Variants in RALB observed in about 807,000 individuals in gnomAD.
The protein encoded by RALB is ras-related protein Ral-B.
In RALB, 16 loss-of-function variants were observed where a neutral mutation model predicts 21.3. That is an observed-to-expected ratio of 0.75 (90% confidence interval 0.51 to 1.14). RALB has a LOEUF of 1.14. RALB is among the 50% of genes most tolerant of loss of function. The pLI is 0.00. For missense variants in RALB, 161 were observed against 256.2 expected (o/e 0.63, Z 2.54); for synonymous variants, 93 against 96.1 (o/e 0.97, Z 0.19).
chr2:120,293,695 G>A lies in RALB; in HGVS notation c.*435G>A, dbSNP rs1690362058. On this transcript the variant is annotated 3_prime_UTR_variant, in exon 5 of 5. Transcript: ENST00000272519. ...ATGCCCTCCCACTTTTATCAGTTTA[G>A]TAGTAGTACTGAGAAAAATCCCTTC... is the stretch of plus-strand genomic sequence containing the variant. The A allele has an allele frequency of 6.3e-6, 1 of 159,618 alleles. No homozygotes were observed. Among genetic ancestry groups the A allele is most frequent in the African/African-American group, 2.4e-5 (1 of 41,778 alleles). The allele number at this position is 159,618 out of a possible 1,614,324, so 9.9% of individuals were successfully genotyped here. A position where few individuals can be genotyped will look rare whatever the true frequency, so the allele number is the denominator to read the frequency against.
At chr2:120,280,629 G>A (rs1298085126) in intron 2 of RALB, among the ~76,000 whole-genome samples, 3 of 151,688 alleles carry the variant, frequency 2.0e-5, no homozygotes, top group East Asian at 1.9e-4. Context: ...ATGATGGGTC[G>A]ATAGGTGCAG....
At chr2:120,269,127 T>C (rs146790648) in intron 1 of RALB, among the ~76,000 whole-genome samples, 1 of 152,310 alleles carries the variant, frequency 6.6e-6, no homozygotes, top group East Asian at 1.9e-4. Context: ...GGTTTGTTCC[T>C]TCCGTGGGTT....
rs1363157211 is a variant in RALB at position 120,294,444 on chromosome 2, G to C, written c.*1184G>C. On this transcript the variant is annotated 3_prime_UTR_variant, in exon 5 of 5. Transcript: ENST00000272519. ...CATATCTTTAAACTTTCTTGCATCA[G>C]TATTCTAAATTGAGCAAACTGAAAG... 1 of 395,132 alleles carries C rather than the reference G, an allele frequency of 2.5e-6. No homozygotes were observed. Among genetic ancestry groups the C allele is most frequent in the East Asian group, 3.6e-5 (1 of 27,910 alleles). 24.5% of individuals were successfully genotyped at this position (395,132 alleles called of 1,614,324 possible).
At chr2:120,259,391 G>T (rs995957863) in intron 1 of RALB, among the ~76,000 whole-genome samples, 10 of 152,198 alleles carry the variant, frequency 6.6e-5, no homozygotes, top group African/African-American at 2.4e-4. Flanking sequence ...GTTAGATACA[G>T]AGTTTCCACA....
chr2:120,246,094 G>A (rs1688966598), intron 1 of RALB, among the ~76,000 whole-genome samples: 1 of 152,214 alleles, frequency 6.6e-6, no homozygotes, highest in South Asian at 2.1e-4. Context: ...CTCTCTAGCA[G>A]ATGCGGGGAA....
chr2:120,289,675 T>C lies in RALB; in HGVS notation c.419T>C (p.Val140Ala), dbSNP rs1690261141. The change falls in exon 4 of 5, where the codon GTG becomes GCG. Residue 140 changes from valine (V) to alanine (A), a missense_variant. By Grantham distance (64) the Val-to-Ala change is moderately conservative. Coordinates refer to ENST00000272519, the MANE Select transcript of RALB (RefSeq NM_002881.3). ...CTAGAGGAGCGGAGGCAGGTGCCTGTGGAGGAGGCCAGGAGTAAAGCCGAA... is the reference window on the plus strand; with the variant it reads ...CTAGAGGAGCGGAGGCAGGTGCCTGCGGAGGAGGCCAGGAGTAAAGCCGAA... ...SDLEERRQVP[V>A]EEARSKAEEW... 6.2e-7 allele frequency: 1 copy of C among 1,614,156 alleles called. No homozygotes were observed. Among genetic ancestry groups the C allele is most frequent in the Non-Finnish European group, 8.5e-7 (1 of 1,180,024 alleles).
At chr2:120,257,341 C>T (rs987358734) in intron 1 of RALB, among the ~76,000 whole-genome samples, 1 of 152,142 alleles carries the variant, frequency 6.6e-6, no homozygotes, top group Non-Finnish European at 1.5e-5. Context: ...ACTTTTGAGA[C>T]CCTCATACAT....
chr2:120,261,432 G>T (rs1354883904), intron 1 of RALB, among the ~76,000 whole-genome samples: 1 of 152,096 alleles, frequency 6.6e-6, no homozygotes, highest in East Asian at 1.9e-4. Context: ...AGGGAGTTAG[G>T]GTTTGATGGC....
intron 3 of RALB, among the ~76,000 whole-genome samples, chr2:120,287,349 T>C (rs1690191715): frequency 6.6e-6 from 1 of 152,232 alleles, no homozygotes; most frequent in South Asian, 2.1e-4. Flanking sequence ...AGAGTGCGTG[T>C]GGTGCAGTGA....
chr2:120,289,867 T>C, intron 4 of RALB, 110 bp downstream of exon 4: 1 of 1,008,740 alleles, frequency 9.9e-7, no homozygotes, highest in South Asian at 1.9e-5. Flanking sequence ...AGGTGAAGAT[T>C]CTGATTCCTA....
chr2:120,246,435 G>A (rs13382415), intron 1 of RALB, among the ~76,000 whole-genome samples: 2 of 152,116 alleles, frequency 1.3e-5, no homozygotes, highest in African/African-American at 4.8e-5. Flanking sequence ...CTCTGAGACC[G>A]GGGGTCTCCT....
chr2:120,258,200 A>G (rs1017680929), intron 1 of RALB, among the ~76,000 whole-genome samples: 4 of 152,074 alleles, frequency 2.6e-5, no homozygotes, highest in Non-Finnish European at 4.4e-5. Flanking sequence ...AAATCCCTCA[A>G]CTTGGCCTAC....
intron 3 of RALB, among the ~76,000 whole-genome samples, chr2:120,287,666 C>T (rs1690199082): frequency 6.6e-6 from 1 of 152,344 alleles, no homozygotes; most frequent in East Asian, 1.9e-4. Context: ...CTTGTCCTCT[C>T]CTCAGTCACC....
At chr2:120,268,584 G>T (rs1346190942) in intron 1 of RALB, among the ~76,000 whole-genome samples, 1 of 152,178 alleles carries the variant, frequency 6.6e-6, no homozygotes, top group African/African-American at 2.4e-5. Context: ...TGTGTGGGGG[G>T]TGTTGCTTGA....
chr2:120,254,206 C>G (rs1014297960), intron 1 of RALB, among the ~76,000 whole-genome samples: 1 of 152,174 alleles, frequency 6.6e-6, no homozygotes, highest in Admixed American at 6.5e-5. Context: ...CTTTCCCCCT[C>G]TGAGCTCCAG....
chr2:120,265,174 A>G (rs984440598), intron 1 of RALB, among the ~76,000 whole-genome samples: 18 of 152,196 alleles, frequency 1.2e-4, no homozygotes, highest in African/African-American at 2.4e-4. Flanking sequence ...GTGTTTTGCA[A>G]ACGTCGGGGT....
chr2:120,266,258 T>C (rs557684011), intron 1 of RALB, among the ~76,000 whole-genome samples: 1 of 152,180 alleles, frequency 6.6e-6, no homozygotes, highest in Non-Finnish European at 1.5e-5. Flanking sequence ...TTTATTTTAT[T>C]TTTTGAGATG....
rs549666232 is a variant in RALB, at chr2:120,277,402, TG to T, written c.-47-1215del. Reference sequence around the variant, plus strand: ...GCGTGAACATGTATGTGTGAGAGCATGTGAACACGCATGTGCATGTTAGAGC... The same window carrying T: ...GCGTGAACATGTATGTGTGAGAGCATTGAACACGCATGTGCATGTTAGAGC... On this transcript the variant is annotated intron_variant, in intron 1 of 4. Transcript: ENST00000272519. Among the ~76,000 whole-genome samples, 53 of 151,368 alleles carry T rather than the reference TG, an allele frequency of 3.5e-4. No homozygotes were observed. The East Asian group carries it at 0.01, about 29-fold the overall frequency.
At chr2:120,253,558 C>T (rs1442432819) in intron 1 of RALB, 23 of 985,476 alleles carry the variant, frequency 2.3e-5, no homozygotes, top group Non-Finnish European at 2.7e-5. Flanking sequence ...GGGGAAGCGC[C>T]TGGACTGGGC....
Sources: allele counts gnomAD v4.1 joint callset (sites outside exome capture counted in the v4.1 genomes callset), GRCh38; gene constraint gnomAD v4.1.1; transcripts MANE v1.5; gene names NCBI Gene and HGNC (gene_info 2026-07-23, HGNC 2026-07-21).